Variants in TBX20 observed in about 807,000 individuals in gnomAD.
TBX20 encodes T-box transcription factor TBX20.
In TBX20, 8 loss-of-function variants were observed where a neutral mutation model predicts 42.9. The ratio of observed to expected loss-of-function variants is 0.19; its 90% confidence interval spans 0.11 to 0.34. The LOEUF (loss-of-function observed/expected upper bound fraction) is 0.34. TBX20 is among the 10% of genes least tolerant of loss of function. The probability of loss-of-function intolerance (pLI) is 1.00; values close to 1 mark genes in which losing one functional copy is unlikely to be tolerated. For synonymous variants in TBX20, 198 were observed against 222.8 expected (o/e 0.89, Z 0.99); for missense variants, 411 against 566.0 (o/e 0.73, Z 2.78).
chr7:35,212,438 ATTC>A (rs1789512447), intron 6 of TBX20, among the ~76,000 whole-genome samples: 1 of 152,194 alleles, frequency 6.6e-6, no homozygotes, highest in East Asian at 1.9e-4. Flanking sequence ...GCATCTTTGC[ATTC>A]CTGGTAATCT....
chr7:35,242,867 G>C (rs1790110138), intron 4 of TBX20, among the ~76,000 whole-genome samples: 1 of 152,124 alleles, frequency 6.6e-6, no homozygotes, highest in Non-Finnish European at 1.5e-5. Flanking sequence ...TATAAGAGAG[G>C]CTTCTTCAGA....
chr7:35,204,434 C>T (rs775713307), intron 7 of TBX20, 36 bp downstream of exon 7: 3 of 1,451,872 alleles, frequency 2.1e-6, no homozygotes, highest in East Asian at 2.3e-5. Flanking sequence ...GGTGCTCTGC[C>T]TCCCAGCAAT....
Position 35,253,597 on chromosome 7 carries a change from C to T in TBX20, c.24G>A (p.Lys8=), listed in dbSNP as rs772194085. The T allele has an allele frequency of 3.8e-5, 61 of 1,611,980 alleles. No individual in the cohort carries two copies. In the East Asian group the frequency reaches 1.3e-3, roughly 35 times the overall value. Residue 8 remains lysine, a synonymous_variant, in exon 1 of 8, where the codon AAG becomes AAA. Coordinates refer to ENST00000408931, the MANE Select transcript of TBX20 (RefSeq NM_001077653.2). ...CGTTGGCCCGAGAGGAGAGTTGGGG[C>T]TTGGGGGACGCCGTGAACTCCATGG... MEFTASP[K]PQLSSRANAF... is the part of the protein sequence containing the mutation.
intron 6 of TBX20, among the ~76,000 whole-genome samples, chr7:35,210,225 G>A (rs1157667977): frequency 5.4e-5 from 8 of 149,098 alleles, no homozygotes; most frequent in Admixed American, 1.4e-4. Context: ...AGTGATTCTC[G>A]TGCCTCAGCC....
At chr7:35,240,476 G>C (rs1441246125) in intron 5 of TBX20, among the ~76,000 whole-genome samples, 1 of 152,152 alleles carries the variant, frequency 6.6e-6, no homozygotes, top group Non-Finnish European at 1.5e-5. Context: ...TAAAGTATCA[G>C]CAGTTTGGGC....
In TBX20 at chr7:35,253,847, G is replaced by C; in HGVS notation, c.-227C>G. ...AGAGACTTCGAAGGCAGCCGGAGAG[G>C]AGAGGGCCCACCGAGCACTACGGCG... On this transcript the variant is annotated 5_prime_UTR_variant, in exon 1 of 8. Transcript: ENST00000408931. The C allele has an allele frequency of 1.7e-6, 1 of 571,672 alleles. No individual in the cohort carries two copies. The highest frequency in any genetic ancestry group is 3.0e-6 in the Non-Finnish European group (1 of 328,996). The allele number at this position is 571,672 out of a possible 1,614,324, so 35.4% of individuals were successfully genotyped here. A position where few individuals can be genotyped will look rare whatever the true frequency, so the allele number is the denominator to read the frequency against.
chr7:35,229,025 T>TA (rs753596701), intron 6 of TBX20, among the ~76,000 whole-genome samples: 6 of 152,120 alleles, frequency 3.9e-5, no homozygotes, highest in Non-Finnish European at 8.8e-5. Flanking sequence ...CGTGTAGCTG[T>TA]AGAAGGATTA....
chr7:35,251,964 G>T (rs1475849446), intron 1 of TBX20, among the ~76,000 whole-genome samples: 1 of 152,198 alleles, frequency 6.6e-6, no homozygotes, highest in Non-Finnish European at 1.5e-5. Context: ...CTATATGTGT[G>T]TGTGGGCATG....
At position 35,224,889 on chromosome 7, in the gene TBX20, A is replaced by G. The variant is rs551104550; in HGVS notation, c.890+6615T>C. ...AATAAAGAATATTCTTCTGAAACCA[A>G]CAGCCACCAAAAACCATATGCAATG... On this transcript the variant is annotated intron_variant, in intron 6 of 7. Coordinates refer to ENST00000408931, the MANE Select transcript of TBX20 (RefSeq NM_001077653.2). Among the ~76,000 whole-genome samples the G allele has an allele frequency of 2.0e-5, 3 of 152,096 alleles. No individual in the cohort carries two copies. The South Asian group carries it at 6.2e-4, about 32-fold the overall frequency.
intron 6 of TBX20, among the ~76,000 whole-genome samples, chr7:35,226,540 G>A (rs1239841421): frequency 7.2e-5 from 11 of 152,126 alleles, no homozygotes; most frequent in Non-Finnish European, 1.6e-4. Flanking sequence ...GGTAACTGCT[G>A]TGAACAACCT....
At chr7:35,245,182 T>C (rs1180380651) in intron 3 of TBX20, 125 bp from the exon 4 acceptor site, 4 of 683,376 alleles carry the variant, frequency 5.9e-6, no homozygotes, top group African/African-American at 1.8e-5. Context: ...TATTGCCCTA[T>C]ATACCTCAAA....
At chr7:35,227,361 T>C (rs1789790765) in intron 6 of TBX20, among the ~76,000 whole-genome samples, 1 of 152,162 alleles carries the variant, frequency 6.6e-6, no homozygotes, top group Non-Finnish European at 1.5e-5. Flanking sequence ...TAGGCCTTCA[T>C]ATTCACTGAC....
intron 6 of TBX20, among the ~76,000 whole-genome samples, chr7:35,224,822 T>TAAAAATTATTAATTTAGGTATG (rs1301320659): frequency 6.6e-6 from 1 of 152,046 alleles, no homozygotes; most frequent in Non-Finnish European, 1.5e-5. Flanking sequence ...AATGTTAAGA[T>TAAAAATTATTAATTTAGGTATG]AAAAATTATT....
At chr7:35,243,155 T>C (rs781516655) in intron 4 of TBX20, among the ~76,000 whole-genome samples, 12 of 152,146 alleles carry the variant, frequency 7.9e-5, no homozygotes, top group South Asian at 2.1e-4. Context: ...TTTTTTGTTT[T>C]GTTTTGTTTT....
intron 6 of TBX20, among the ~76,000 whole-genome samples, chr7:35,215,118 C>T (rs1237492879): frequency 6.6e-6 from 1 of 152,186 alleles, no homozygotes; most frequent in Non-Finnish European, 1.5e-5. Context: ...TTTTGCTTTT[C>T]TGAAAGAACA....
chr7:35,240,184 G>A (rs1833127), intron 5 of TBX20, among the ~76,000 whole-genome samples: 55,444 of 151,970 alleles, frequency 0.36, 10,462 homozygotes, highest in Admixed American at 0.46. Context: ...TTTGCATTAT[G>A]CTTACAGGTT....
At chr7:35,231,034 A>T (rs566034319) in intron 6 of TBX20, among the ~76,000 whole-genome samples, 2 of 152,292 alleles carry the variant, frequency 1.3e-5, no homozygotes, top group African/African-American at 4.8e-5. Context: ...TATTAAATAT[A>T]AGCAGTCTAC....
At chr7:35,214,141 A>T (rs1417633678) in intron 6 of TBX20, among the ~76,000 whole-genome samples, 1 of 152,182 alleles carries the variant, frequency 6.6e-6, no homozygotes, top group Non-Finnish European at 1.5e-5. Flanking sequence ...TGCCTTTAAA[A>T]GTATATCTAA....
Position 35,253,648 on chromosome 7 carries a change from G to A in TBX20, c.-28C>T, listed in dbSNP as rs1340434870. ...TCCCCAGCACGCGGTCCTGGCCAGG[G>A]ACGGGGTCGTCCGAACTGCCGTCCA... On this transcript the variant is annotated 5_prime_UTR_variant, in exon 1 of 8. Coordinates refer to ENST00000408931, the MANE Select transcript of TBX20 (RefSeq NM_001077653.2). 1 of 1,605,242 alleles carries A rather than the reference G, an allele frequency of 6.2e-7. No individual in the cohort carries two copies. The highest frequency in any genetic ancestry group is 1.3e-5 in the African/African-American group (1 of 74,702).
Sources: gnomAD v4.1 joint callset for allele counts (sites outside exome capture counted in the v4.1 genomes callset) on GRCh38, gnomAD v4.1.1 for gene constraint, MANE v1.5 for transcripts, NCBI Gene and HGNC (gene_info 2026-07-23, HGNC 2026-07-21) for gene names.